The following OPCML variants were observed in gnomAD, a reference collection of about 807,000 sequenced individuals.
OPCML encodes the protein opioid-binding protein/cell adhesion molecule.
Under a neutral mutation model 37.8 loss-of-function variants are expected in OPCML, and 13 were observed. The observed-to-expected ratio is 0.34, with a 90% CI of 0.22 to 0.55. The LOEUF (loss-of-function observed/expected upper bound fraction) is 0.55, where lower values mean the gene tolerates loss of function less well. Ranked by LOEUF, OPCML falls within the 20% of genes least tolerant of loss-of-function variation. The pLI, the probability that OPCML is intolerant of heterozygous loss-of-function variation, is 0.91. For missense variants in OPCML, 341 were observed against 435.6 expected, an observed-to-expected ratio of 0.78 and a Z score of 1.93; for synonymous variants, 176 against 168.8, an observed-to-expected ratio of 1.04 and a Z score of -0.33.
At chr11:132,637,370 C>T (rs937658397) in intron 3 of OPCML, among the ~76,000 whole-genome samples, 7 of 152,072 alleles carry the variant, frequency 4.6e-5, no homozygotes, top group Admixed American at 2.6e-4. Context: ...GACCTGGAAT[C>T]GTACGCTAGC....
chr11:133,221,349 G>A, intron 1 of OPCML, among the ~76,000 whole-genome samples: 1 of 152,194 alleles, frequency 6.6e-6, no homozygotes, highest in East Asian at 1.9e-4. Context: ...CAACATCCTA[G>A]GCCCCTTTCT....
chr11:132,947,311 A>G (rs1212716291), intron 1 of OPCML, among the ~76,000 whole-genome samples: 2 of 152,234 alleles, frequency 1.3e-5, no homozygotes, highest in African/African-American at 2.4e-5. Context: ...TCTTAACAAT[A>G]TATAATAAGT....
At chr11:132,641,137 T>C (rs759798915) in intron 3 of OPCML, among the ~76,000 whole-genome samples, 10 of 152,122 alleles carry the variant, frequency 6.6e-5, no homozygotes, top group Non-Finnish European at 1.5e-4. Context: ...GGGTGAGGCC[T>C]CTATCTCAGA....
chr11:133,152,873 TC>T (rs1242651063), intron 1 of OPCML, among the ~76,000 whole-genome samples: 4 of 122,298 alleles, frequency 3.3e-5, no homozygotes, highest in Non-Finnish European at 6.4e-5. Flanking sequence ...AGTCAGGTTA[TC>T]CTTTTTTTTT....
chr11:132,578,352 T>C (rs189716220), intron 3 of OPCML, among the ~76,000 whole-genome samples: 116 of 152,266 alleles, frequency 7.6e-4, no homozygotes, highest in African/African-American at 2.6e-3. Flanking sequence ...AGCCAATGCC[T>C]GAAAGAAAAC....
At chr11:133,258,772 C>A (rs1941401155) in intron 1 of OPCML, among the ~76,000 whole-genome samples, 1 of 152,046 alleles carries the variant, frequency 6.6e-6, no homozygotes, top group South Asian at 2.1e-4. Context: ...CCCCCAGCTA[C>A]CCCCAGCACT....
rs561488252 is a variant in OPCML, at chr11:132,652,266, A to T, written c.379+4821T>A. On this transcript the variant is annotated intron_variant, in intron 3 of 7. Coordinates refer to ENST00000524381, the MANE Select transcript of OPCML (RefSeq NM_001012393.5). ...TCATTTATTGTAGCTTTGGTGTCCC[A>T]CTCCCACCACTAATTTTCTTTCTTG... is the stretch of plus-strand genomic sequence containing the variant. Among the ~76,000 whole-genome samples, 75 of 151,244 alleles carry T rather than the reference A, an allele frequency of 5.0e-4. 1 individual carries two copies. The South Asian group carries it at 6.0e-3, about 12-fold the overall frequency.
chr11:132,558,387 CCT>C lies in OPCML; in HGVS notation c.380-29203_380-29202del, dbSNP rs1459799615. Among the ~76,000 whole-genome samples the C allele has an allele frequency of 7.1e-4, 5 of 7,076 alleles. 1 individual carries two copies. Among genetic ancestry groups the C allele is most frequent in the Admixed American group, 5.5e-3 (3 of 546 alleles). 4.6% of individuals were successfully genotyped at this position (7,076 alleles called of 152,430 possible). A position where few individuals can be genotyped will look rare whatever the true frequency, so the allele number is the denominator to read the frequency against. On this transcript the variant is annotated intron_variant, in intron 3 of 7. Coordinates refer to ENST00000524381, the MANE Select transcript of OPCML (RefSeq NM_001012393.5). ...CCTCCTCCTCCTCTTCCCCTCCTCC[CCT>C]CTCCCCCTCCTCCTCTTCCCCTTCT...
At chr11:133,421,950 C>T (rs1307256355) in intron 1 of OPCML, 2 of 313,886 alleles carry the variant, frequency 6.4e-6, no homozygotes, top group African/African-American at 2.3e-5. Flanking sequence ...GCAACAGATA[C>T]TAACACAGCT....
chr11:133,194,205 C>CTTTT lies in OPCML; in HGVS notation c.62-251199_62-251196dup, dbSNP rs34797390. 3.3e-3 allele frequency among the ~76,000 whole-genome samples: 349 copies of CTTTT among 106,926 alleles called. 10 individuals carry two copies. The highest frequency in any genetic ancestry group is 7.4e-3 in the Middle Eastern group (1 of 136). The allele number at this position is 106,926 out of a possible 152,430, so 70.1% of individuals were successfully genotyped here. On this transcript the variant is annotated intron_variant, in intron 1 of 7. Coordinates refer to ENST00000524381, the MANE Select transcript of OPCML (RefSeq NM_001012393.5). ...TTCCCTTCCCTTTCCCCTTCCCCCACTTTTTTTTTTTTTTTTTTTTTGAGA... is the reference window on the plus strand; with the variant it reads ...TTCCCTTCCCTTTCCCCTTCCCCCACTTTTTTTTTTTTTTTTTTTTTTTTTGAGA...
chr11:132,837,982 A>G (rs1042759175), intron 2 of OPCML, among the ~76,000 whole-genome samples: 12 of 152,214 alleles, frequency 7.9e-5, no homozygotes, highest in Admixed American at 7.9e-4. Flanking sequence ...TTTCCTTTAT[A>G]GGATTTATGT....
At chr11:133,029,270 G>A (rs1947622125) in intron 1 of OPCML, among the ~76,000 whole-genome samples, 1 of 152,202 alleles carries the variant, frequency 6.6e-6, no homozygotes, top group South Asian at 2.1e-4. Flanking sequence ...CACAGTTGGT[G>A]GGAATGCAAA....
At chr11:132,640,104 T>G (rs1352591530) in intron 3 of OPCML, among the ~76,000 whole-genome samples, 6 of 152,214 alleles carry the variant, frequency 3.9e-5, no homozygotes, top group Non-Finnish European at 5.9e-5. Flanking sequence ...AAGAACCTGC[T>G]CACCCTGGCA....
rs374399127 is a variant in OPCML, at chr11:133,527,459, C to T, written c.61+4805G>A. On this transcript the variant is annotated intron_variant, in intron 1 of 7. Coordinates refer to ENST00000524381, the MANE Select transcript of OPCML (RefSeq NM_001012393.5). ...TGTTTAATCAGAACGTATATAAAGT[C>T]TTGTTCAATAAATGAAGGAGTAGAT... is the stretch of plus-strand genomic sequence containing the variant. Among the ~76,000 whole-genome samples, 61 of 152,250 alleles carry T rather than the reference C, an allele frequency of 4.0e-4. 1 individual carries two copies. The highest frequency in any genetic ancestry group is 1.4e-3 in the African/African-American group (59 of 41,552).
Position 132,415,853 on chromosome 11 carries a change from G to A in OPCML, c.*4340C>T, listed in dbSNP as rs1404541173. The A allele has an allele frequency of 6.6e-6, 1 of 152,576 alleles. No homozygotes were observed. Among genetic ancestry groups the A allele is most frequent in the East Asian group, 1.9e-4 (1 of 5,192 alleles). 9.5% of individuals were successfully genotyped at this position (152,576 alleles called of 1,614,324 possible). On this transcript the variant is annotated 3_prime_UTR_variant, in exon 8 of 8. Transcript: ENST00000524381. ...ACTTCTCTTCTCTTAAGTAAGAAAT[G>A]TGGGAAATGAGACTGGCAGTTTTGT...
intron 1 of OPCML, among the ~76,000 whole-genome samples, chr11:133,242,817 T>C (rs1021040919): frequency 6.6e-6 from 1 of 152,192 alleles, no homozygotes; most frequent in Admixed American, 6.5e-5. Flanking sequence ...ACTAGCCGAG[T>C]GCAGCTGAGG....
intron 1 of OPCML, among the ~76,000 whole-genome samples, chr11:133,463,371 T>C (rs934027325): frequency 2.0e-5 from 3 of 152,104 alleles, no homozygotes; most frequent in Admixed American, 2.0e-4. Context: ...CACTGAAGTG[T>C]ACACTTGAAA....
At chr11:133,005,294 G>A in intron 1 of OPCML, 1 of 985,406 alleles carries the variant, frequency 1.0e-6, no homozygotes, top group Non-Finnish European at 1.2e-6. Flanking sequence ...ATGAATGAAT[G>A]AATGGCTAGA....
intron 2 of OPCML, among the ~76,000 whole-genome samples, chr11:132,909,983 A>T (rs1320290461): frequency 6.6e-6 from 1 of 152,232 alleles, no homozygotes; most frequent in East Asian, 1.9e-4. Context: ...GAGTTAATTG[A>T]TGTTTTTAAC....
Sources: gnomAD v4.1 joint callset for allele counts (sites outside exome capture counted in the v4.1 genomes callset) on GRCh38, gnomAD v4.1.1 for gene constraint, MANE v1.5 for transcripts, NCBI Gene and HGNC (gene_info 2026-07-23, HGNC 2026-07-21) for gene names.